The following ZDHHC11 variants were observed in gnomAD, a reference collection of about 807,000 sequenced individuals.
ZDHHC11 encodes palmitoyltransferase ZDHHC11.
Under a neutral mutation model 51.3 loss-of-function variants are expected in ZDHHC11, and 44 were observed. That is an observed-to-expected ratio of 0.86 (90% CI 0.67 to 1.10). The LOEUF (loss-of-function observed/expected upper bound fraction) is 1.10. Among genes scored for constraint, ZDHHC11 ranks in the 50% least tolerant of loss-of-function variants. ZDHHC11 has a pLI of 0.00. For synonymous variants in ZDHHC11, 163 were observed against 222.0 expected (o/e 0.73, Z 2.36); for missense variants, 400 against 537.7 (o/e 0.74, Z 2.53).
chr5:818,824 A>G (rs56795308), intron 10 of ZDHHC11, among the ~76,000 whole-genome samples: 32,046 of 150,408 alleles, frequency 0.21, 4,995 homozygotes, highest in African/African-American at 0.44. Flanking sequence ...TCCCACCACT[A>G]TAATCCATGC....
At chr5:854,096 A>G (rs1421483019), upstream of ZDHHC11, among the ~76,000 whole-genome samples, 1 of 146,154 alleles carries the variant, frequency 6.8e-6, no homozygotes, top group South Asian at 2.3e-4. Flanking sequence ...CGGGGGGCAC[A>G]GACCCCACGG....
At chr5:818,675 A>G (rs1741153216) in intron 10 of ZDHHC11, among the ~76,000 whole-genome samples, 1 of 151,574 alleles carries the variant, frequency 6.6e-6, no homozygotes, top group Non-Finnish European at 1.5e-5. Flanking sequence ...CACGGGCAAC[A>G]GAGTGAGACC....
upstream of ZDHHC11, among the ~76,000 whole-genome samples, chr5:852,629 A>ACAGAGGACAGTGAG (rs1325640651): frequency 1.3e-5 from 2 of 150,634 alleles, no homozygotes; most frequent in Non-Finnish European, 3.0e-5. Flanking sequence ...TACAGACTCC[A>ACAGAGGACAGTGAG]CAGAGGACAG....
At chr5:837,164 T>C (rs575184594) in intron 6 of ZDHHC11, among the ~76,000 whole-genome samples, 2 of 152,260 alleles carry the variant, frequency 1.3e-5, no homozygotes, top group East Asian at 3.9e-4. Flanking sequence ...AGGAAGTCCG[T>C]GGTGCATGAC....
At chr5:802,637 ACT>A (rs1202028635) in intron 11 of ZDHHC11, among the ~76,000 whole-genome samples, 2 of 149,920 alleles carry the variant, frequency 1.3e-5, no homozygotes, top group African/African-American at 4.9e-5. Flanking sequence ...TTATTTGGAA[ACT>A]CTGCAACCTG....
intron 11 of ZDHHC11, among the ~76,000 whole-genome samples, chr5:811,987 G>A (rs1361631881): frequency 2.2e-5 from 3 of 138,998 alleles, no homozygotes; most frequent in African/African-American, 8.6e-5. Flanking sequence ...CACTAGAAAA[G>A]GGGGCCTTTG....
intron 11 of ZDHHC11, among the ~76,000 whole-genome samples, chr5:805,471 C>T (rs535360747): frequency 6.6e-6 from 1 of 151,018 alleles, no homozygotes; most frequent in Admixed American, 6.6e-5. Context: ...GGGTGTTATA[C>T]ATTTAAGACA....
intron 11 of ZDHHC11, among the ~76,000 whole-genome samples, chr5:806,858 GA>G (rs1739333078): frequency 6.6e-6 from 1 of 151,134 alleles, no homozygotes; most frequent in Admixed American, 6.6e-5. Context: ...CCAAGTGTTG[GA>G]GAGGACATGA....
intron 1 of ZDHHC11, among the ~76,000 whole-genome samples, chr5:849,382 G>A (rs1180617591): frequency 1.3e-5 from 2 of 152,136 alleles, no homozygotes; most frequent in Non-Finnish European, 2.9e-5. Flanking sequence ...TATAAACACA[G>A]CCGGATGCAG....
intron 3 of ZDHHC11, among the ~76,000 whole-genome samples, chr5:845,586 T>C (rs1746014349): frequency 6.6e-6 from 1 of 152,138 alleles, no homozygotes; most frequent in South Asian, 2.1e-4. Context: ...TCCTCTCTTA[T>C]CACTACGAAG....
intron 3 of ZDHHC11, among the ~76,000 whole-genome samples, 194 bp downstream of exon 3, chr5:847,320 A>C (rs1363463827): frequency 3.3e-5 from 5 of 151,680 alleles, no homozygotes; most frequent in Admixed American, 3.3e-4. Context: ...TTGTCCAGGG[A>C]CGGCTGCACC....
At chr5:838,933 G>A (rs1295480833) in intron 5 of ZDHHC11, among the ~76,000 whole-genome samples, 2 of 148,080 alleles carry the variant, frequency 1.4e-5, no homozygotes, top group Middle Eastern at 3.4e-3. Context: ...AATGACAAGT[G>A]CAGACTTTGT....
intron 4 of ZDHHC11, chr5:842,259 C>G: frequency 4.1e-6 from 4 of 986,660 alleles, no homozygotes; most frequent in Non-Finnish European, 4.8e-6. Context: ...AGGGAGAGCC[C>G]AGACAACATG....
intron 12 of ZDHHC11, among the ~76,000 whole-genome samples, chr5:800,146 G>T (rs533720717): frequency 1.3e-5 from 2 of 151,300 alleles, no homozygotes; most frequent in South Asian, 2.1e-4. Context: ...ACCTTCCTCA[G>T]GGCTCTATGG....
intron 3 of ZDHHC11, among the ~76,000 whole-genome samples, chr5:845,102 C>T (rs542857894): frequency 4.1e-4 from 63 of 152,412 alleles, no homozygotes; most frequent in African/African-American, 1.2e-3. Flanking sequence ...GCCTTCCCCG[C>T]GCTCCTCCTC....
intron 6 of ZDHHC11, among the ~76,000 whole-genome samples, chr5:836,410 T>C (rs536132326): frequency 2.0e-5 from 3 of 150,446 alleles, no homozygotes; most frequent in Non-Finnish European, 4.5e-5. Context: ...TCGATTTGGT[T>C]TCCCAAGGTC....
chr5:840,679 C>G (rs368879489), intron 4 of ZDHHC11, 29 bp from the exon 5 acceptor site: 15 of 1,612,450 alleles, frequency 9.3e-6, no homozygotes, highest in Non-Finnish European at 1.1e-5. Flanking sequence ...GCCACTGTGT[C>G]CAGCACCTGC....
At chr5:845,356 G>A (rs1216251127) in intron 3 of ZDHHC11, among the ~76,000 whole-genome samples, 1 of 152,252 alleles carries the variant, frequency 6.6e-6, no homozygotes, top group African/African-American at 2.4e-5. Flanking sequence ...CTTCATCCAG[G>A]AAAGAAGGCG....
chr5:855,898 G>A (rs576516191), upstream of ZDHHC11, among the ~76,000 whole-genome samples: 12 of 150,596 alleles, frequency 8.0e-5, 1 homozygote, highest in African/African-American at 2.9e-4. Context: ...ACAGTGAGCA[G>A]TGGGGATAGA....
Sources: gnomAD v4.1 joint callset for allele counts (sites outside exome capture counted in the v4.1 genomes callset) on GRCh38, gnomAD v4.1.1 for gene constraint, MANE v1.5 for transcripts, NCBI Gene and HGNC (gene_info 2026-07-23, HGNC 2026-07-21) for gene names.